Variants in NOS2 observed in about 807,000 individuals in gnomAD.
NOS2 encodes the protein nitric oxide synthase 2.
In NOS2, 96 loss-of-function variants were observed where a neutral mutation model predicts 136.0. The ratio of observed to expected loss-of-function variants is 0.71; its 90% confidence interval spans 0.60 to 0.84. The LOEUF is 0.84. Among genes scored for constraint, NOS2 ranks in the 40% least tolerant of loss-of-function variants. The pLI is 0.00. For missense variants in NOS2, 1,237 were observed against 1,496.9 expected (o/e 0.83, Z 2.87); for synonymous variants, 539 against 587.5 (o/e 0.92, Z 1.20).
At chr17:27,799,456 G>A (rs745966242) in intron 1 of NOS2, among the ~76,000 whole-genome samples, 10 of 152,152 alleles carry the variant, frequency 6.6e-5, no homozygotes, top group Non-Finnish European at 1.2e-4. Context: ...CTCATCCCTC[G>A]AAATCTGAGA....
intron 5 of NOS2, among the ~76,000 whole-genome samples, 188 bp from the exon 6 acceptor site, chr17:27,783,294 C>T (rs374770084): frequency 6.6e-6 from 1 of 152,188 alleles, no homozygotes; most frequent in East Asian, 1.9e-4. Flanking sequence ...ACGCTCAATG[C>T]TCTGCTGTCC....
chr17:27,791,796 A>C (rs1909201862), intron 2 of NOS2, among the ~76,000 whole-genome samples: 1 of 150,224 alleles, frequency 6.7e-6, no homozygotes, highest in Non-Finnish European at 1.5e-5. Context: ...ACAAAACAAA[A>C]CAAAACAAAA....
intron 18 of NOS2, 80 bp downstream of exon 18, chr17:27,767,625 C>T (rs1908346960): frequency 6.6e-7 from 1 of 1,521,972 alleles, no homozygotes; most frequent in Non-Finnish European, 8.8e-7. Context: ...TTCAGAAAGA[C>T]CTGGGGGTCT....
chr17:27,782,819 G>C (rs1908894052), intron 6 of NOS2, 125 bp downstream of exon 6: 1 of 906,246 alleles, frequency 1.1e-6, no homozygotes, highest in South Asian at 1.8e-5. Flanking sequence ...GAATGTAAGA[G>C]AGGATCCAGG....
chr17:27,770,625 T>C (rs1176201230), intron 15 of NOS2, among the ~76,000 whole-genome samples: 4 of 152,262 alleles, frequency 2.6e-5, no homozygotes, highest in African/African-American at 9.6e-5. Context: ...AATTTATGTT[T>C]TGCTGCTTTC....
chr17:27,774,277 A>G lies in NOS2; in HGVS notation c.1456T>C (p.Ser486Pro). Residue 486 changes from serine (S) to proline (P), a missense_variant, in exon 12 of 27, where the codon TCC (serine) becomes CCC (proline). Ser to Pro is a moderately conservative substitution (Grantham distance 74, BLOSUM62 -1). Around this residue, in one of 3 missense-constraint regions of NOS2, gnomAD observed 782 missense variants for 909.9 expected, o/e 0.86. Transcript: ENST00000313735. ...FHQEMLNYVL[S>P]PFYYYQVEAW... ...CTAACCTGATAGTAGTAGAAAGGGG[A>G]CAGGACGTAGTTCAGCATCTCCTGG... 1 of 1,521,482 alleles carries G rather than the reference A, an allele frequency of 6.6e-7. No homozygotes were observed. The highest frequency in any genetic ancestry group is 1.3e-5 in the South Asian group (1 of 74,666). 94.2% of individuals were successfully genotyped at this position (1,521,482 alleles called of 1,614,324 possible).
In NOS2 at chr17:27,759,020, A is replaced by C; in HGVS notation, c.3215T>G (p.Leu1072Arg). The C allele has an allele frequency of 6.2e-7, 1 of 1,610,588 alleles. No homozygotes were observed. Among genetic ancestry groups the C allele is most frequent in the Non-Finnish European group, 8.5e-7 (1 of 1,178,730 alleles). The change falls in exon 26 of 27, where the codon CTC becomes CGC. Residue 1072 changes from leucine (L) to arginine (R), a missense_variant. By Grantham distance (102) the Leu-to-Arg change is moderately radical. Around this residue, in one of 3 missense-constraint regions of NOS2, gnomAD observed 782 missense variants for 909.9 expected, o/e 0.86. Coordinates refer to ENST00000313735, the MANE Select transcript of NOS2 (RefSeq NM_000625.4). ...ATAGAGGTGGCCTGGCTCCTTGTGG[A>C]GCACACGGAGCACCTCGCTGGCCAG... ...QQLASEVLRV[L>R]HKEPGHLYVC...
chr17:27,763,699 A>G (rs1225474744), intron 21 of NOS2, among the ~76,000 whole-genome samples: 1 of 152,082 alleles, frequency 6.6e-6, no homozygotes, highest in Non-Finnish European at 1.5e-5. Flanking sequence ...TTTTGGGGAA[A>G]GCAAAGACGG....
intron 14 of NOS2, 34 bp from the exon 15 acceptor site, chr17:27,771,051 C>A: frequency 6.5e-7 from 1 of 1,528,384 alleles, no homozygotes; most frequent in Non-Finnish European, 9.0e-7. Flanking sequence ...CAGCCCTCGG[C>A]TCCCAGTAGG....
At chr17:27,784,154 A>ACACACACACACACACG in intron 5 of NOS2, among the ~76,000 whole-genome samples, 1 of 151,542 alleles carries the variant, frequency 6.6e-6, no homozygotes, top group African/African-American at 2.4e-5. Context: ...ACACACACAC[A>ACACACACACACACACG]CACACACTAC....
chr17:27,781,901 CCCTGGTTTCT>C, intron 7 of NOS2, 104 bp downstream of exon 7: 1 of 819,340 alleles, frequency 1.2e-6, no homozygotes, highest in African/African-American at 1.8e-5. Flanking sequence ...TTTTCTTTCT[CCCTGGTTTCT>C]CCTGGAGCTG....
intron 15 of NOS2, 56 bp downstream of exon 15, chr17:27,770,857 C>T: frequency 7.5e-7 from 1 of 1,338,998 alleles, no homozygotes; most frequent in Non-Finnish European, 1.1e-6. Flanking sequence ...AGACCCTTTC[C>T]TGGGTCCTCC....
At chr17:27,787,948 C>T (rs998043086) in intron 4 of NOS2, 122 bp from the exon 5 acceptor site, 1 of 1,026,886 alleles carries the variant, frequency 9.7e-7, no homozygotes, top group Admixed American at 2.5e-5. Context: ...CACCTCTTCT[C>T]CACCCCTGTG....
In NOS2 at chr17:27,757,113, G is replaced by A. The variant is rs1273135417; in HGVS notation, c.*133C>T. The stretch of plus-strand genomic sequence containing the variant: ...AGTAAAGGGCTTGATGGGGAGCAAC[G>A]TTGAGGAAATAAGACTTGAGGCTGG... On this transcript the variant is annotated 3_prime_UTR_variant, in exon 27 of 27. Transcript: ENST00000313735. The A allele has an allele frequency of 1.8e-5, 12 of 664,950 alleles. No individual in the cohort carries two copies. The highest frequency in any genetic ancestry group is 2.9e-5 in the East Asian group (1 of 34,574). The allele number at this position is 664,950 out of a possible 1,614,324, so 41.2% of individuals were successfully genotyped here. A position where few individuals can be genotyped will look rare whatever the true frequency, so the allele number is the denominator to read the frequency against.
chr17:27,769,546 G>A lies in NOS2; in HGVS notation c.1848C>T (p.Asn616=). 2.5e-6 allele frequency: 4 copies of A among 1,613,574 alleles called. No homozygotes were observed. Among genetic ancestry groups the A allele is most frequent in the Non-Finnish European group, 3.4e-6 (4 of 1,179,556 alleles). Residue 616 remains asparagine, a synonymous_variant, in exon 16 of 27, where the codon AAC becomes AAT. Transcript: ENST00000313735. The part of the protein sequence containing the change: ...KKSLFMLKEL[N]NKFRYAVFGL... ...GGAAAAAGCTTTACCTGAATTTGTT[G>A]TTGAGCTCTTTCAGCATGAAGAGCG...
chr17:27,783,286 G>T (rs774357261), intron 5 of NOS2, among the ~76,000 whole-genome samples, 180 bp from the exon 6 acceptor site: 1 of 152,040 alleles, frequency 6.6e-6, no homozygotes, highest in Non-Finnish European at 1.5e-5. Context: ...AGCACCCCAC[G>T]CTCAATGCTC....
At position 27,772,459 on chromosome 17, in the gene NOS2, G is replaced by A. The variant is rs1390748059; in HGVS notation, c.1560-7C>T. 1.2e-6 allele frequency: 2 copies of A among 1,613,666 alleles called. No individual in the cohort carries two copies. Among genetic ancestry groups the A allele is most frequent in the Non-Finnish European group, 1.7e-6 (2 of 1,179,924 alleles). ...ACAGGCAAAGAGCACAGCTCTGTGG[G>A]GACAGACAGACAGGCAGGCGCTGTG... On this transcript the variant is annotated splice_polypyrimidine_tract_variant and splice_region_variant and intron_variant, in intron 13 of 26. Coordinates refer to ENST00000313735, the MANE Select transcript of NOS2 (RefSeq NM_000625.4).
Position 27,791,772 on chromosome 17 carries a change from AAAAACAAAACAAAAC to A in NOS2, c.111-2099_111-2085del, listed in dbSNP as rs918064019. On this transcript the variant is annotated intron_variant, in intron 2 of 26. Transcript: ENST00000313735. Reference sequence around the variant, plus strand: ...TCTAGACTGGTGTGGCCTGCCAGAAAAAAACAAAACAAAACAAAACAAAACAAAACAAAAATATAT... The same window carrying A: ...TCTAGACTGGTGTGGCCTGCCAGAAAAAAACAAAACAAAACAAAAATATAT... Among the ~76,000 whole-genome samples, 96 of 141,610 alleles carry A rather than the reference AAAAACAAAACAAAAC, an allele frequency of 6.8e-4. 3 individuals carry two copies. The highest frequency in any genetic ancestry group is 1.1e-3 in the Non-Finnish European group (73 of 65,538). 92.9% of individuals were successfully genotyped at this position (141,610 alleles called of 152,430 possible). A position where few individuals can be genotyped will look rare whatever the true frequency, so the allele number is the denominator to read the frequency against.
At chr17:27,773,471 G>A (rs1000817167) in intron 12 of NOS2, among the ~76,000 whole-genome samples, 11 of 152,204 alleles carry the variant, frequency 7.2e-5, no homozygotes, top group African/African-American at 2.4e-4. Context: ...GAGGGGGGGC[G>A]GCTAACCCTT....
Sources: allele counts gnomAD v4.1 joint callset (sites outside exome capture counted in the v4.1 genomes callset), GRCh38; gene constraint gnomAD v4.1.1; regional missense constraint gnomAD v4.1.1; transcripts MANE v1.5; gene names NCBI Gene and HGNC (gene_info 2026-07-23, HGNC 2026-07-21).